Variants in CSMD1 observed in about 807,000 individuals in gnomAD.
CSMD1 encodes CUB and sushi domain-containing protein 1.
Under a neutral mutation model 417.5 loss-of-function variants are expected in CSMD1, and 213 were observed. The ratio of observed to expected loss-of-function variants is 0.51; its 90% CI spans 0.46 to 0.57. CSMD1 has a LOEUF of 0.57. Among genes scored for constraint, CSMD1 ranks in the 20% least tolerant of loss-of-function variants. The probability of loss-of-function intolerance (pLI) is 0.00; values close to 1 mark genes in which losing one functional copy is unlikely to be tolerated. For synonymous variants in CSMD1, 2,862 were observed against 1,736.8 expected, an observed-to-expected ratio of 1.65 and a Z score of -16.11; for missense variants, 6,923 against 4,529.7, an observed-to-expected ratio of 1.53 and a Z score of -15.17.
At chr8:3,116,373 G>C (rs963630132) in intron 42 of CSMD1, among the ~76,000 whole-genome samples, 1 of 152,136 alleles carries the variant, frequency 6.6e-6, no homozygotes, top group Non-Finnish European at 1.5e-5. Context: ...GAGATATGTG[G>C]CATCCTCCTG....
At position 3,267,529 on chromosome 8, in the gene CSMD1, C is replaced by T. The variant is rs78078720; in HGVS notation, c.4153+16615G>A. ...TCTCCGGAGTCCAGAGGAGAGAATC[C>T]AGGCAGATGCTGGGCCAGGGAGCTT... On this transcript the variant is annotated intron_variant, in intron 26 of 69. Coordinates refer to ENST00000635120, the MANE Select transcript of CSMD1 (RefSeq NM_033225.6). 0.017 allele frequency among the ~76,000 whole-genome samples: 2,548 copies of T among 152,172 alleles called. 88 individuals carry two copies. In the East Asian group the frequency reaches 0.18, roughly 10 times the overall value.
intron 54 of CSMD1, among the ~76,000 whole-genome samples, chr8:2,992,195 ACATACATACACACATGCAC>A (rs1563213933): frequency 8.9e-5 from 8 of 89,742 alleles, no homozygotes; most frequent in African/African-American, 8.3e-4. Flanking sequence ...ACACATGCAC[ACATACATACACACATGCAC>A]ACACACATGC....
chr8:3,332,765 G>A (rs151071263), intron 23 of CSMD1, among the ~76,000 whole-genome samples: 61 of 152,266 alleles, frequency 4.0e-4, no homozygotes, highest in African/African-American at 1.3e-3. Flanking sequence ...AACTCTGACG[G>A]GCAGATGTTG....
At chr8:3,602,651 T>A (rs1033807686) in intron 8 of CSMD1, among the ~76,000 whole-genome samples, 1 of 152,058 alleles carries the variant, frequency 6.6e-6, no homozygotes, top group African/African-American at 2.4e-5. Flanking sequence ...CAGGGTGTTA[T>A]AATTCTAATG....
intron 3 of CSMD1, among the ~76,000 whole-genome samples, chr8:4,171,304 C>T (rs1224953828): frequency 6.6e-6 from 1 of 151,904 alleles, no homozygotes; most frequent in Non-Finnish European, 1.5e-5. Flanking sequence ...AACCCTACGC[C>T]AGGCTGTTTT....
At chr8:3,414,482 C>T (rs1813006903) in intron 12 of CSMD1, among the ~76,000 whole-genome samples, 1 of 152,122 alleles carries the variant, frequency 6.6e-6, no homozygotes, top group Non-Finnish European at 1.5e-5. Flanking sequence ...CACTGTCTAT[C>T]ATCATTTGCC....
chr8:4,708,907 C>G (rs1305493192), intron 1 of CSMD1, among the ~76,000 whole-genome samples: 1 of 152,100 alleles, frequency 6.6e-6, no homozygotes, highest in Non-Finnish European at 1.5e-5. Flanking sequence ...ACAATGTGAG[C>G]AAATACAGGA....
At chr8:3,255,359 A>T (rs375962343) in intron 26 of CSMD1, among the ~76,000 whole-genome samples, 1 of 152,100 alleles carries the variant, frequency 6.6e-6, no homozygotes, top group Non-Finnish European at 1.5e-5. Flanking sequence ...TCAGATCTCA[A>T]GCTGTGTGCT....
intron 2 of CSMD1, among the ~76,000 whole-genome samples, chr8:4,493,343 G>T (rs1225952332): frequency 6.6e-6 from 1 of 152,040 alleles, no homozygotes; most frequent in Non-Finnish European, 1.5e-5. Flanking sequence ...CTCTTAACTA[G>T]GCACCTAAAT....
chr8:4,652,489 G>A (rs1266112562), intron 1 of CSMD1, among the ~76,000 whole-genome samples: 2 of 152,012 alleles, frequency 1.3e-5, no homozygotes, highest in African/African-American at 2.4e-5. Context: ...ACTGTGCCGA[G>A]CCTGCCGAGA....
At chr8:4,184,712 G>C (rs1326359300) in intron 3 of CSMD1, among the ~76,000 whole-genome samples, 2 of 152,176 alleles carry the variant, frequency 1.3e-5, no homozygotes, top group Non-Finnish European at 2.9e-5. Flanking sequence ...GGTGGGAGGA[G>C]GGAGGGGACC....
intron 3 of CSMD1, among the ~76,000 whole-genome samples, chr8:4,418,870 A>G (rs1015148367): frequency 5.3e-5 from 8 of 152,158 alleles, no homozygotes; most frequent in Admixed American, 2.0e-4. Flanking sequence ...GGTGGCATGA[A>G]AGACATTAGA....
intron 5 of CSMD1, among the ~76,000 whole-genome samples, chr8:3,835,571 G>A (rs2129090309): frequency 6.6e-6 from 1 of 152,168 alleles, no homozygotes; most frequent in African/African-American, 2.4e-5. Flanking sequence ...ACTGTTGTGG[G>A]GAGCGGGGAG....
chr8:4,907,375 T>C (rs75978928), intron 1 of CSMD1, among the ~76,000 whole-genome samples: 10,396 of 152,236 alleles, frequency 0.068, 449 homozygotes, highest in African/African-American at 0.082. Flanking sequence ...AATGAGAAGG[T>C]CCCTTGTTAA....
chr8:4,136,108 GAA>G (rs1200554993), intron 3 of CSMD1, among the ~76,000 whole-genome samples: 1 of 152,134 alleles, frequency 6.6e-6, no homozygotes, highest in Non-Finnish European at 1.5e-5. Context: ...TCCTTTGAAG[GAA>G]ACTTTCCAAA....
At chr8:3,132,878 A>C (rs1367800889) in intron 41 of CSMD1, among the ~76,000 whole-genome samples, 2 of 152,176 alleles carry the variant, frequency 1.3e-5, no homozygotes, top group African/African-American at 4.8e-5. Context: ...GGAAACAGGA[A>C]GGTTAGGAAC....
At position 4,922,538 on chromosome 8, in the gene CSMD1, C is replaced by G. The variant is rs73659289; in HGVS notation, c.85+71794G>C. On this transcript the variant is annotated intron_variant, in intron 1 of 69. Transcript: ENST00000635120. ...ACATTGCTGGGCAAACCATTCACAC[C>G]CTTTCAGTTTTTAAGTGCACATATT... 8.9e-3 allele frequency among the ~76,000 whole-genome samples: 1,349 copies of G among 152,162 alleles called. 19 individuals are homozygous for G. The highest frequency in any genetic ancestry group is 0.031 in the African/African-American group (1,268 of 41,500).
chr8:4,838,195 C>G (rs187750378), intron 1 of CSMD1, among the ~76,000 whole-genome samples: 4 of 152,158 alleles, frequency 2.6e-5, no homozygotes, highest in African/African-American at 9.7e-5. Context: ...GTGTTCTCCC[C>G]GCTCTTCAAT....
At chr8:3,737,273 T>C (rs957240647) in intron 6 of CSMD1, among the ~76,000 whole-genome samples, 1 of 152,194 alleles carries the variant, frequency 6.6e-6, no homozygotes, top group Non-Finnish European at 1.5e-5. Context: ...TATAAGTTTA[T>C]CTTGCTAAAG....
Sources: allele counts gnomAD v4.1 joint callset (sites outside exome capture counted in the v4.1 genomes callset), GRCh38; gene constraint gnomAD v4.1.1; transcripts MANE v1.5; gene names NCBI Gene and HGNC (gene_info 2026-07-23, HGNC 2026-07-21).